THADA: variants seen among roughly 807,000 people sequenced by gnomAD.
The protein encoded by THADA is tRNA (32-2'-O)-methyltransferase regulator THADA.
In THADA, 213 loss-of-function variants were observed where a neutral mutation model predicts 219.8. The observed-to-expected ratio is 0.97, with a 90% confidence interval of 0.87 to 1.09. The LOEUF (loss-of-function observed/expected upper bound fraction) is 1.09, where lower values mean the gene tolerates loss of function less well. Ranked by LOEUF, THADA falls within the 50% of genes least tolerant of loss-of-function variation. The pLI is 0.00. For missense variants in THADA, 2,956 were observed against 2,311.3 expected, an observed-to-expected ratio of 1.28 and a Z score of -5.72; for synonymous variants, 1,018 against 828.9, an observed-to-expected ratio of 1.23 and a Z score of -3.92.
intron 25 of THADA, among the ~76,000 whole-genome samples, chr2:43,488,092 T>C (rs557422244): frequency 5.3e-4 from 81 of 152,318 alleles, no homozygotes; most frequent in Non-Finnish European, 8.5e-4. Context: ...TTTCCATATA[T>C]TGATCATTTT....
intron 29 of THADA, among the ~76,000 whole-genome samples, chr2:43,353,535 G>A (rs1006071386): frequency 6.6e-6 from 1 of 151,970 alleles, no homozygotes; most frequent in African/African-American, 2.4e-5. Context: ...TTTTTAAATT[G>A]GGTTATATAT....
At chr2:43,569,472 G>A (rs1699055264) in intron 14 of THADA, among the ~76,000 whole-genome samples, 1 of 152,210 alleles carries the variant, frequency 6.6e-6, no homozygotes, top group East Asian at 1.9e-4. Flanking sequence ...ATAAGTGGCA[G>A]AATCAGGAGT....
At chr2:43,305,968 CCCTT>C (rs1180481848) in intron 31 of THADA, among the ~76,000 whole-genome samples, 2 of 144,424 alleles carry the variant, frequency 1.4e-5, no homozygotes, top group African/African-American at 5.1e-5. Context: ...CTCCCTCCCT[CCCTT>C]CTCTCTCTCT....
At chr2:43,239,683 C>T (rs970715429) in intron 36 of THADA, among the ~76,000 whole-genome samples, 1 of 152,238 alleles carries the variant, frequency 6.6e-6, no homozygotes, top group African/African-American at 2.4e-5. Context: ...CCTTCTAGTC[C>T]TTCTCAAGAG....
chr2:43,337,341 C>T (rs1666569936), intron 30 of THADA, among the ~76,000 whole-genome samples: 1 of 152,204 alleles, frequency 6.6e-6, no homozygotes, highest in East Asian at 1.9e-4. Context: ...GAAATGTTAA[C>T]TAAAATGGCT....
intron 31 of THADA, among the ~76,000 whole-genome samples, chr2:43,310,368 G>A (rs760489979): frequency 1.1e-4 from 16 of 152,080 alleles, no homozygotes; most frequent in African/African-American, 2.2e-4. Flanking sequence ...AATCAAGACA[G>A]TGTGCTCCTG....
chr2:43,433,301 G>A lies in THADA; in HGVS notation c.3837-2999C>T, dbSNP rs183559339. ...TCCCAACATTTTGGGAGGCCGAGCC[G>A]GGTGGATCACCTGAGGTCAGGAGTT... is the stretch of plus-strand genomic sequence containing the variant. On this transcript the variant is annotated intron_variant, in intron 26 of 37. Transcript: ENST00000405975. Among the ~76,000 whole-genome samples, 614 of 152,046 alleles carry A rather than the reference G, an allele frequency of 4.0e-3. 2 individuals are homozygous for A. Among genetic ancestry groups the A allele is most frequent in the African/African-American group, 0.014 (568 of 41,472 alleles).
At chr2:43,272,598 A>G (rs1672257048) in intron 36 of THADA, among the ~76,000 whole-genome samples, 2 of 151,908 alleles carry the variant, frequency 1.3e-5, no homozygotes, top group Admixed American at 6.6e-5. Context: ...GGGGTCAGAA[A>G]ACAATTTAGA....
chr2:43,476,309 C>G (rs1158257833), intron 26 of THADA, among the ~76,000 whole-genome samples: 1 of 152,100 alleles, frequency 6.6e-6, no homozygotes. Context: ...ACTGCAGTGT[C>G]TGGATATGAT....
intron 16 of THADA, among the ~76,000 whole-genome samples, 157 bp downstream of exon 16, chr2:43,560,077 C>T (rs1353545708): frequency 6.6e-6 from 1 of 152,114 alleles, no homozygotes; most frequent in African/African-American, 2.4e-5. Flanking sequence ...TCCCACTAAC[C>T]CCAAAATAGT....
At chr2:43,472,377 A>AT (rs1322508848) in intron 26 of THADA, among the ~76,000 whole-genome samples, 1 of 152,256 alleles carries the variant, frequency 6.6e-6, no homozygotes, top group African/African-American at 2.4e-5. Context: ...TTACTTCACC[A>AT]TTGAAACACT....
chr2:43,582,576 T>C (rs1262021124), intron 7 of THADA, among the ~76,000 whole-genome samples: 1 of 148,958 alleles, frequency 6.7e-6, no homozygotes, highest in African/African-American at 2.5e-5. Flanking sequence ...TGGCTTTTTT[T>C]TTTTTTTTTG....
chr2:43,479,888 G>C (rs992775588), intron 26 of THADA, among the ~76,000 whole-genome samples: 2 of 152,160 alleles, frequency 1.3e-5, no homozygotes, highest in African/African-American at 2.4e-5. Context: ...GAATCTTAAA[G>C]TCAACCCAAA....
At chr2:43,266,419 G>T (rs189959227) in intron 36 of THADA, among the ~76,000 whole-genome samples, 30 of 152,252 alleles carry the variant, frequency 2.0e-4, no homozygotes, top group Admixed American at 1.8e-3. Context: ...GTGAAACCCC[G>T]TCTCTGCTAA....
chr2:43,378,003 T>G (rs1671575623), intron 29 of THADA, among the ~76,000 whole-genome samples: 1 of 152,222 alleles, frequency 6.6e-6, no homozygotes. Flanking sequence ...TGTATAGTAT[T>G]TTCACATGAT....
chr2:43,527,914 A>C lies in THADA; in HGVS notation c.3339T>G (p.Tyr1113Ter). The change falls in exon 22 of 38, where the codon TAT becomes TAG. Residue 1113 changes from tyrosine (Y) to a stop codon, truncating the protein, a stop_gained. Transcript: ENST00000405975. LOFTEE classifies it high-confidence loss of function. Reference sequence around the variant, plus strand: ...CTTCAGTGAGTTTCACAAAACCAGTATAAGCCAATTCAAATGCTCCTCTGT... The same window carrying C: ...CTTCAGTGAGTTTCACAAAACCAGTCTAAGCCAATTCAAATGCTCCTCTGT... ...SRHRGAFELA[Y>*]TGFVKLTEVL... The C allele has an allele frequency of 6.2e-7, 1 of 1,613,752 alleles. No homozygotes were observed. The highest frequency in any genetic ancestry group is 8.5e-7 in the Non-Finnish European group (1 of 1,179,712).
chr2:43,570,914 C>G (rs10211106), intron 13 of THADA, among the ~76,000 whole-genome samples: 1 of 151,942 alleles, frequency 6.6e-6, no homozygotes, highest in Admixed American at 6.6e-5. Context: ...CAGCATTAGA[C>G]TTTTTCTTTA....
At chr2:43,300,049 A>C (rs975137062) in intron 31 of THADA, among the ~76,000 whole-genome samples, 1 of 150,446 alleles carries the variant, frequency 6.6e-6, no homozygotes, top group Non-Finnish European at 1.5e-5. Flanking sequence ...AAAAAAAAAA[A>C]AGCTGACATT....
chr2:43,391,134 G>T (rs999993888), intron 29 of THADA, among the ~76,000 whole-genome samples: 4 of 152,112 alleles, frequency 2.6e-5, no homozygotes, highest in African/African-American at 9.7e-5. Context: ...TAGGAACTCA[G>T]TGACTGGTAC....
Sources: gnomAD v4.1 joint callset for allele counts (sites outside exome capture counted in the v4.1 genomes callset) on GRCh38, gnomAD v4.1.1 for gene constraint, MANE v1.5 for transcripts, NCBI Gene and HGNC (gene_info 2026-07-23, HGNC 2026-07-21) for gene names.